Variants in PRDM1 observed in about 807,000 individuals in gnomAD.
PRDM1 encodes PR domain zinc finger protein 1.
A neutral mutation model predicts 62.8 loss-of-function variants in PRDM1; 13 were observed. The observed-to-expected ratio is 0.21, with a 90% CI of 0.13 to 0.33. PRDM1 has a LOEUF of 0.33. Among genes scored for constraint, PRDM1 ranks in the 10% least tolerant of loss-of-function variants. The pLI, the probability that PRDM1 is intolerant of heterozygous loss-of-function variation, is 1.00. For synonymous variants in PRDM1, 396 were observed against 417.6 expected (o/e 0.95, Z 0.63); for missense variants, 895 against 1,058.8 (o/e 0.85, Z 2.15).
chr6:106,065,014 A>G (rs1773409900), intron 1 of PRDM1, among the ~76,000 whole-genome samples: 1 of 152,046 alleles, frequency 6.6e-6, no homozygotes, highest in South Asian at 2.1e-4. Context: ...CTGTGCACAG[A>G]CTGCTGGAAT....
At chr6:105,995,307 G>A (rs926923806) in intron 1 of PRDM1, among the ~76,000 whole-genome samples, 2 of 152,174 alleles carry the variant, frequency 1.3e-5, no homozygotes, top group South Asian at 2.1e-4. Context: ...TCTGGGGGAC[G>A]TTCTCATAAG....
chr6:105,994,983 C>T lies in PRDM1; in HGVS notation c.-67+1344C>T, dbSNP rs979779298. 1.3e-5 allele frequency among the ~76,000 whole-genome samples: 2 copies of T among 152,316 alleles called. No individual in the cohort carries two copies. The highest frequency in any genetic ancestry group is 1.9e-4 in the East Asian group (1 of 5,178). On this transcript the variant is annotated intron_variant, in intron 1 of 6. Transcript: ENST00000652320. The surrounding 1 kb of genome is among the most constrained non-coding windows in gnomAD (Gnocchi z 4.1). ...GCCTCTGGTCGAGAGGATTAGAGCGCGCGTTTTCTCCGCCGAGCACGCTGC... is the reference window on the plus strand; with the variant it reads ...GCCTCTGGTCGAGAGGATTAGAGCGTGCGTTTTCTCCGCCGAGCACGCTGC...
chr6:105,993,003 C>A (rs920338138), upstream of PRDM1, among the ~76,000 whole-genome samples: 6 of 152,178 alleles, frequency 3.9e-5, no homozygotes, highest in Admixed American at 6.5e-5. Context: ...AGTCCGAAAC[C>A]TTTGGGTCCC....
chr6:106,091,897 C>A (rs987405359), intron 2 of PRDM1, among the ~76,000 whole-genome samples: 1 of 152,164 alleles, frequency 6.6e-6, no homozygotes, highest in Non-Finnish European at 1.5e-5. Flanking sequence ...TTGGTCACTA[C>A]TGAGTTCTAG....
intron 1 of PRDM1, among the ~76,000 whole-genome samples, chr6:106,056,814 C>T (rs1773273720): frequency 6.6e-6 from 1 of 152,176 alleles, no homozygotes; most frequent in African/African-American, 2.4e-5. Flanking sequence ...AGAACATATT[C>T]AGCCTCCTCA....
At chr6:106,083,042 G>A (rs1273103281), upstream of PRDM1, among the ~76,000 whole-genome samples, 2 of 152,050 alleles carry the variant, frequency 1.3e-5, no homozygotes, top group African/African-American at 4.8e-5. Context: ...GAGTTGAAAA[G>A]GCTGTTAAAG....
chr6:106,028,430 T>C (rs1772795061), intron 1 of PRDM1, among the ~76,000 whole-genome samples: 1 of 152,210 alleles, frequency 6.6e-6, no homozygotes, highest in South Asian at 2.1e-4. Context: ...TTTGTAATAG[T>C]GAACAGTTGA....
At chr6:106,082,411 T>A (rs563691929), upstream of PRDM1, among the ~76,000 whole-genome samples, 3 of 152,366 alleles carry the variant, frequency 2.0e-5, no homozygotes, top group South Asian at 6.2e-4. Flanking sequence ...AAATGATTAG[T>A]ATTGCTATTA....
intron 1 of PRDM1, among the ~76,000 whole-genome samples, chr6:106,020,776 C>G (rs555224799): frequency 1.2e-4 from 19 of 152,326 alleles, no homozygotes; most frequent in African/African-American, 4.1e-4. Context: ...CATGAAACTA[C>G]TTTTCTATGA....
chr6:106,056,923 G>A (rs1451594225), intron 1 of PRDM1, among the ~76,000 whole-genome samples: 1 of 152,178 alleles, frequency 6.6e-6, no homozygotes, highest in Non-Finnish European at 1.5e-5. Flanking sequence ...TGAGAATGCA[G>A]GGACAATGGG....
chr6:106,070,990 G>A (rs769102659), intron 1 of PRDM1, among the ~76,000 whole-genome samples: 1 of 152,102 alleles, frequency 6.6e-6, no homozygotes, highest in Non-Finnish European at 1.5e-5. Context: ...CATCTTATTG[G>A]CCTGATGCAG....
chr6:106,014,181 T>G (rs1449477114), intron 1 of PRDM1, among the ~76,000 whole-genome samples: 2 of 148,668 alleles, frequency 1.3e-5, no homozygotes, highest in South Asian at 4.3e-4. Context: ...TGCCTCAGCC[T>G]CCTGAATAGC....
rs748019164 is a variant in PRDM1, at chr6:106,107,356, G to C, written c.2348G>C (p.Gly783Ala). Reference protein sequence around the residue: ...KVSLQRNMGNGLLSSGCSLYE... With the variant: ...KVSLQRNMGNALLSSGCSLYE... The stretch of plus-strand genomic sequence containing the variant: ...TCTTTGCAAAGAAACATGGGGAATG[G>C]ACTCCTCTCCTCAGGGTGCAGCCTT... The change falls in exon 7 of 7, where the codon GGA (glycine) becomes GCA (alanine). Residue 783 changes from glycine (G) to alanine (A), a missense_variant. Around this residue, in one of 4 missense-constraint regions of PRDM1, gnomAD observed 164 missense variants for 179.9 expected, o/e 0.91. Coordinates refer to ENST00000369096, the MANE Select transcript of PRDM1 (RefSeq NM_001198.4). The C allele has an allele frequency of 1.1e-5, 18 of 1,614,026 alleles. No homozygotes were observed. The highest frequency in any genetic ancestry group is 1.5e-5 in the Non-Finnish European group (18 of 1,180,002).
chr6:106,003,729 A>G (rs556766434), intron 1 of PRDM1, among the ~76,000 whole-genome samples: 3 of 152,290 alleles, frequency 2.0e-5, no homozygotes, highest in Admixed American at 2.0e-4. Flanking sequence ...GATTGCTCCA[A>G]TCAAACGTTT....
chr6:106,086,592 C>T lies in PRDM1; in HGVS notation c.39C>T (p.Thr13=). 6.4e-7 allele frequency: 1 copy of T among 1,550,780 alleles called. No individual in the cohort carries two copies. The change falls in exon 1 of 7, where the codon ACC becomes ACT. Residue 13 remains threonine (T), a synonymous_variant. Coordinates refer to ENST00000369096, the MANE Select transcript of PRDM1 (RefSeq NM_001198.4). ...GCTTGGAAAAACGTGTGGGTACGAC[C>T]TTGGTAAGGAACTTGAATTTTTTTT... ...DICLEKRVGT[T]LAAPKCNSST...
intron 1 of PRDM1, among the ~76,000 whole-genome samples, chr6:106,019,608 C>A (rs6568425): frequency 0.91 from 136,918 of 150,568 alleles, 62,372 homozygotes; most frequent in African/African-American, 0.95. Context: ...CACTATGTTT[C>A]TTATTGACTT....
intron 1 of PRDM1, among the ~76,000 whole-genome samples, chr6:106,006,568 C>T (rs1173530722): frequency 1.3e-5 from 2 of 151,816 alleles, no homozygotes; most frequent in African/African-American, 4.8e-5. Flanking sequence ...GAGTTATCTC[C>T]ACCTCATCTC....
rs1774549959 is a variant in PRDM1 at position 106,107,901 on chromosome 6, A to G, written c.*415A>G. On this transcript the variant is annotated 3_prime_UTR_variant, in exon 7 of 7. Coordinates refer to ENST00000369096, the MANE Select transcript of PRDM1 (RefSeq NM_001198.4). ...AAAGCAATAATTAAAAAAGTTTACA[A>G]TGACTGGAAAGATTCCTTGTAATTT... The G allele has an allele frequency of 8.6e-6, 2 of 232,190 alleles. No individual in the cohort carries two copies. Among genetic ancestry groups the G allele is most frequent in the East Asian group, 6.1e-5 (1 of 16,320 alleles). The allele number at this position is 232,190 out of a possible 1,614,324, so 14.4% of individuals were successfully genotyped here.
Position 106,086,527 on chromosome 6 carries a change from G to C in PRDM1, c.-27G>C, listed in dbSNP as rs779664321. 5 of 1,550,616 alleles carry C rather than the reference G, an allele frequency of 3.2e-6. No homozygotes were observed. In the South Asian group the frequency reaches 6.0e-5, roughly 18 times the overall value. On this transcript the variant is annotated 5_prime_UTR_variant, in exon 1 of 7. Coordinates refer to ENST00000369096, the MANE Select transcript of PRDM1 (RefSeq NM_001198.4). ...GGGGACGCGGGGAGAATGTGGACTG[G>C]GTAGAGATGAACGAGACTTTTCTCA...
Sources: allele counts gnomAD v4.1 joint callset (sites outside exome capture counted in the v4.1 genomes callset), GRCh38; gene constraint gnomAD v4.1.1; regional missense constraint gnomAD v4.1.1; non-coding constraint Gnocchi (gnomAD v3.1); transcripts MANE v1.5; gene names NCBI Gene and HGNC (gene_info 2026-07-23, HGNC 2026-07-21).